Variants in GORASP2 observed in about 807,000 individuals in gnomAD.
GORASP2 encodes the protein golgi reassembly stacking protein 2, also known as Golgi reassembly-stacking protein 2.
Under a neutral mutation model 45.7 loss-of-function variants are expected in GORASP2, and 22 were observed. That is an observed-to-expected ratio of 0.48 (90% CI 0.34 to 0.69). The LOEUF (loss-of-function observed/expected upper bound fraction) is 0.69, where lower values mean the gene tolerates loss of function less well. Among genes scored for constraint, GORASP2 ranks in the 30% least tolerant of loss-of-function variants. The probability of loss-of-function intolerance (pLI) is 0.01; values close to 1 mark genes in which losing one functional copy is unlikely to be tolerated. For synonymous variants in GORASP2, 221 were observed against 215.6 expected (o/e 1.02, Z -0.22); for missense variants, 491 against 562.7 (o/e 0.87, Z 1.29).
At chr2:170,961,562 G>A (rs1181747460) in intron 7 of GORASP2, 101 bp from the exon 8 acceptor site, 7 of 763,864 alleles carry the variant, frequency 9.2e-6, no homozygotes, top group Admixed American at 5.3e-5. Flanking sequence ...ATGAAGACCT[G>A]ACCACGGGGC....
intron 7 of GORASP2, among the ~76,000 whole-genome samples, chr2:170,959,886 A>G (rs184319763): frequency 1.1e-3 from 150 of 134,362 alleles, no homozygotes; most frequent in African/African-American, 4.0e-3. Flanking sequence ...CAGTGGTATG[A>G]TCTTGGCTCA....
At chr2:170,945,722 GAC>G (rs1704167675) in intron 1 of GORASP2, among the ~76,000 whole-genome samples, 1 of 152,108 alleles carries the variant, frequency 6.6e-6, no homozygotes, top group African/African-American at 2.4e-5. Context: ...CTTCTTCTGA[GAC>G]AATACTATAA....
intron 7 of GORASP2, among the ~76,000 whole-genome samples, chr2:170,958,831 A>C (rs1034294416): frequency 1.6e-4 from 24 of 151,930 alleles, no homozygotes; most frequent in African/African-American, 5.8e-4. Context: ...CACCACACCC[A>C]GCTAATTTTT....
chr2:170,957,090 C>A (rs757505110), intron 7 of GORASP2, among the ~76,000 whole-genome samples: 1 of 152,112 alleles, frequency 6.6e-6, no homozygotes, highest in Non-Finnish European at 1.5e-5. Flanking sequence ...TATTTTAGAC[C>A]CTGAGCTTTC....
intron 1 of GORASP2, chr2:170,929,663 G>A: frequency 1.6e-6 from 1 of 613,596 alleles, no homozygotes; most frequent in Non-Finnish European, 3.1e-6. Context: ...TCGGCCAGGG[G>A]GCGGCCCTGG....
upstream of GORASP2, chr2:170,929,186 G>T: frequency 2.0e-6 from 1 of 511,744 alleles, no homozygotes; most frequent in Admixed American, 4.4e-5. Flanking sequence ...GGCCCGGGCT[G>T]CAGCAGAGAC....
At chr2:170,954,824 C>G in intron 6 of GORASP2, 42 bp downstream of exon 6, 4 of 1,547,772 alleles carry the variant, frequency 2.6e-6, no homozygotes, top group Middle Eastern at 1.7e-4. Context: ...AAAGTTTTTA[C>G]CAAAACGAGT....
rs1559317588 is a variant in GORASP2 at position 170,965,781 on chromosome 2, T to G, written c.1019-9T>G. 1 of 1,602,258 alleles carries G rather than the reference T, an allele frequency of 6.2e-7. No individual in the cohort carries two copies. Among genetic ancestry groups the G allele is most frequent in the Admixed American group, 1.7e-5 (1 of 60,004 alleles). ...GGAGGATGTATGATCTATGCCGTTT[T>G]TGTCCTAGGTCTGCCACCTCTTCCT... On this transcript the variant is annotated splice_polypyrimidine_tract_variant and intron_variant, in intron 9 of 9. Coordinates refer to ENST00000234160, the MANE Select transcript of GORASP2 (RefSeq NM_015530.5).
chr2:170,934,542 T>A (rs753900115), intron 1 of GORASP2, among the ~76,000 whole-genome samples: 4 of 152,116 alleles, frequency 2.6e-5, no homozygotes, highest in Non-Finnish European at 4.4e-5. Context: ...ATTACAGGTG[T>A]TAGCCACCAC....
chr2:170,945,849 A>T (rs1704171128), intron 1 of GORASP2, among the ~76,000 whole-genome samples: 1 of 152,228 alleles, frequency 6.6e-6, no homozygotes, highest in Non-Finnish European at 1.5e-5. Context: ...TATTAAAATG[A>T]CTTGTTACTG....
upstream of GORASP2, chr2:170,928,490 G>C (rs1036037510): frequency 1.3e-5 from 2 of 152,328 alleles, no homozygotes; most frequent in African/African-American, 4.8e-5. Context: ...GGGAGTACAC[G>C]TAAGGGGCAA....
intron 1 of GORASP2, among the ~76,000 whole-genome samples, chr2:170,930,856 G>A (rs1227736694): frequency 6.6e-6 from 1 of 151,738 alleles, no homozygotes; most frequent in Non-Finnish European, 1.5e-5. Context: ...ATGTTACCCA[G>A]TATTACCAGC....
chr2:170,934,676 T>C (rs1333876537), intron 1 of GORASP2, among the ~76,000 whole-genome samples: 1 of 152,134 alleles, frequency 6.6e-6, no homozygotes, highest in African/African-American at 2.4e-5. Context: ...AAAGTTATAA[T>C]TGTGAAACCT....
chr2:170,966,635 G>A lies in GORASP2; in HGVS notation c.*505G>A, dbSNP rs1704694652. 3 of 167,064 alleles carry A rather than the reference G, an allele frequency of 1.8e-5. No homozygotes were observed. The highest frequency in any genetic ancestry group is 3.9e-5 in the Non-Finnish European group (3 of 76,548). The allele number at this position is 167,064 out of a possible 1,614,324, so 10.3% of individuals were successfully genotyped here. A position where few individuals can be genotyped will look rare whatever the true frequency, so the allele number is the denominator to read the frequency against. Reference sequence around the variant, plus strand: ...CGCATCTCTACTAAGGTTTACACAGGAATTCCACCTGAAGACTTGTGTTAA... The same window carrying A: ...CGCATCTCTACTAAGGTTTACACAGAAATTCCACCTGAAGACTTGTGTTAA... On this transcript the variant is annotated 3_prime_UTR_variant, in exon 10 of 10. Transcript: ENST00000234160.
At position 170,929,411 on chromosome 2, in the gene GORASP2, C is replaced by A; in HGVS notation, c.63+8C>A. The A allele has an allele frequency of 1.4e-6, 2 of 1,385,406 alleles. No individual in the cohort carries two copies. The highest frequency in any genetic ancestry group is 9.4e-7 in the Non-Finnish European group (1 of 1,068,334). 85.8% of individuals were successfully genotyped at this position (1,385,406 alleles called of 1,614,324 possible). A position where few individuals can be genotyped will look rare whatever the true frequency, so the allele number is the denominator to read the frequency against. On this transcript the variant is annotated splice_region_variant and intron_variant, in intron 1 of 9. Transcript: ENST00000234160. ...GGCTACCACGTTCTGCGGGTAAGGG[C>A]TCCGACGGCGGCCGGGGAGCTGCGG...
intron 1 of GORASP2, among the ~76,000 whole-genome samples, chr2:170,947,463 T>A (rs1179203837): frequency 6.6e-6 from 1 of 152,234 alleles, no homozygotes; most frequent in East Asian, 1.9e-4. Flanking sequence ...TATCACTTTT[T>A]ATGTCTGAAG....
Position 170,941,394 on chromosome 2 carries a change from A to G in GORASP2, c.64-6956A>G, listed in dbSNP as rs76858790. ...GCATTGGAAAAAGTGTAACCTCAGTATACTTGTTTTGATACAGGGAGCATC... is the reference window on the plus strand; with the variant it reads ...GCATTGGAAAAAGTGTAACCTCAGTGTACTTGTTTTGATACAGGGAGCATC... On this transcript the variant is annotated intron_variant, in intron 1 of 9. Transcript: ENST00000234160. Among the ~76,000 whole-genome samples the G allele has an allele frequency of 5.3e-3, 807 of 152,330 alleles. 6 individuals are homozygous for G. Among genetic ancestry groups the G allele is most frequent in the African/African-American group, 0.018 (765 of 41,588 alleles).
Position 170,929,404 on chromosome 2 carries a change from G to A in GORASP2, c.63+1G>A. The A allele has an allele frequency of 2.1e-6, 3 of 1,405,202 alleles. No homozygotes were observed. Among genetic ancestry groups the A allele is most frequent in the African/African-American group, 1.5e-5 (1 of 66,792 alleles). 87.0% of individuals were successfully genotyped at this position (1,405,202 alleles called of 1,614,324 possible). On this transcript the variant is annotated splice_donor_variant, in intron 1 of 9. Coordinates refer to ENST00000234160, the MANE Select transcript of GORASP2 (RefSeq NM_015530.5). LOFTEE classifies it high-confidence loss of function. ...CACCGAGGGCTACCACGTTCTGCGG[G>A]TAAGGGCTCCGACGGCGGCCGGGGA...
chr2:170,965,493 A>G (rs965974376), intron 9 of GORASP2, among the ~76,000 whole-genome samples: 6 of 152,092 alleles, frequency 3.9e-5, no homozygotes, highest in Non-Finnish European at 7.4e-5. Flanking sequence ...GTGGGCTGCT[A>G]TCTCTTCTGA....
Sources: gnomAD v4.1 joint callset for allele counts (sites outside exome capture counted in the v4.1 genomes callset) on GRCh38, gnomAD v4.1.1 for gene constraint, MANE v1.5 for transcripts, NCBI Gene and HGNC (gene_info 2026-07-23, HGNC 2026-07-21) for gene names.